The following ZNF276 variants were observed in gnomAD, a reference collection of about 807,000 sequenced individuals.
ZNF276 encodes zinc finger protein 276, also known as centromere protein Z.
ZNF276 carries 59 observed loss-of-function variants against 63.9 expected under a neutral mutation model. That is an observed-to-expected ratio of 0.92 (90% CI 0.75 to 1.15). The LOEUF (loss-of-function observed/expected upper bound fraction) is 1.15. ZNF276 is among the 50% of genes most tolerant of loss of function. The probability of loss-of-function intolerance (pLI) is 0.00; values close to 1 mark genes in which losing one functional copy is unlikely to be tolerated. For synonymous variants in ZNF276, 496 were observed against 348.4 expected, an observed-to-expected ratio of 1.42 and a Z score of -4.72; for missense variants, 1,084 against 843.8, an observed-to-expected ratio of 1.28 and a Z score of -3.53.
At position 89,733,533 on chromosome 16, in the gene ZNF276, G is replaced by T. The variant is rs753959541; in HGVS notation, c.1332G>T (p.Val444=). The T allele has an allele frequency of 6.2e-7, 1 of 1,614,158 alleles. No homozygotes were observed. The change falls in exon 8 of 11, where the codon GTG becomes GTT. Residue 444 remains valine (V), a synonymous_variant. Transcript: ENST00000443381. ...YKCPYQGCTA[V]YRGADGMKKH... The stretch of plus-strand genomic sequence containing the variant: ...GTCCTTACCAGGGCTGCACGGCCGT[G>T]TACCGAGGCGCTGACGGCATGAAGG...
intron 6 of ZNF276, chr16:89,732,139 C>T (rs1364036475): frequency 6.9e-6 from 1 of 145,660 alleles, no homozygotes; most frequent in Admixed American, 7.1e-5. Context: ...TTACCTGGAT[C>T]CAGAAAGGAA....
intron 9 of ZNF276, among the ~76,000 whole-genome samples, chr16:89,736,297 G>A (rs1402475409): frequency 6.6e-6 from 1 of 151,344 alleles, no homozygotes; most frequent in Non-Finnish European, 1.5e-5. Context: ...AAAGTGCTGG[G>A]ATTACAGGCA....
chr16:89,737,707 A>T, intron 9 of ZNF276, 99 bp from the exon 10 acceptor site: 2 of 1,587,426 alleles, frequency 1.3e-6, no homozygotes, highest in Non-Finnish European at 8.6e-7. Flanking sequence ...CCATGTGCAG[A>T]AATGTCTTCC....
intron 8 of ZNF276, among the ~76,000 whole-genome samples, 162 bp from the exon 9 acceptor site, chr16:89,733,759 G>C (rs920869501): frequency 2.0e-5 from 3 of 152,128 alleles, no homozygotes; most frequent in Non-Finnish European, 2.9e-5. Flanking sequence ...ACCCCCCGGG[G>C]GGTCTAGAAG....
Position 89,734,025 on chromosome 16 carries a change from G to C in ZNF276, c.1461G>C (p.Lys487Asn), listed in dbSNP as rs761333720. The stretch of plus-strand genomic sequence containing the variant: ...ACCGCTACCTGCAGCGCCACGTGAA[G>C]CTCATCCACACAGGTACGCCTATCG... ...MIDRYLQRHV[K>N]LIHTEVRNYI... is the part of the protein sequence containing the mutation. Residue 487 changes from lysine to asparagine, a missense_variant, in exon 9 of 11, where the codon AAG becomes AAC. Lys to Asn is a moderately conservative substitution (Grantham distance 94). Coordinates refer to ENST00000443381, the MANE Select transcript of ZNF276 (RefSeq NM_001113525.2). 6.2e-7 allele frequency: 1 copy of C among 1,613,902 alleles called. No individual in the cohort carries two copies.
intron 4 of ZNF276, 46 bp downstream of exon 4, chr16:89,723,755 C>T (rs767609652): frequency 5.1e-6 from 8 of 1,555,010 alleles, no homozygotes; most frequent in African/African-American, 4.1e-5. Context: ...GTGTGCTCCT[C>T]AGTGGGGCAG....
chr16:89,728,616 A>T lies in ZNF276; in HGVS notation c.1086-619A>T, dbSNP rs977233734. On this transcript the variant is annotated intron_variant, in intron 5 of 10. Coordinates refer to ENST00000443381, the MANE Select transcript of ZNF276 (RefSeq NM_001113525.2). ...ACGGGGTTTCACTTTGTTAGCCGGGATGGTCTTGATCTCCTGACCTCGTGA... is the reference window on the plus strand; with the variant it reads ...ACGGGGTTTCACTTTGTTAGCCGGGTTGGTCTTGATCTCCTGACCTCGTGA... Among the ~76,000 whole-genome samples, 3 of 151,636 alleles carry T rather than the reference A, an allele frequency of 2.0e-5. No individual in the cohort carries two copies. In the East Asian group the frequency reaches 5.8e-4, roughly 29 times the overall value.
Position 89,738,200 on chromosome 16 carries a change from CCT to C in ZNF276, c.1802_1803del (p.Ser601CysfsTer79). The C allele has an allele frequency of 6.2e-7, 1 of 1,611,414 alleles. No individual in the cohort carries two copies. The highest frequency in any genetic ancestry group is 8.5e-7 in the Non-Finnish European group (1 of 1,179,178). Reference sequence around the variant, plus strand: ...GAACCACCACCTGGGCCACCGAGCCCCTCTGTGACCACAGAGGGCCAGGCGGT... The same window carrying C: ...GAACCACCACCTGGGCCACCGAGCCCCTGTGACCACAGAGGGCCAGGCGGT... On this transcript the variant is annotated frameshift_variant, in exon 11 of 11. Transcript: ENST00000443381. LOFTEE classifies it high-confidence loss of function.
chr16:89,725,796 G>GA (rs769026725), intron 4 of ZNF276, among the ~76,000 whole-genome samples: 11 of 151,984 alleles, frequency 7.2e-5, no homozygotes, highest in Non-Finnish European at 1.2e-4. Context: ...GTCTAAAAAA[G>GA]AAAAAAACAA....
chr16:89,727,258 G>T, intron 4 of ZNF276, 21 bp from the exon 5 acceptor site: 1 of 1,613,152 alleles, frequency 6.2e-7, no homozygotes, highest in Non-Finnish European at 8.5e-7. Context: ...GGTAACAGGA[G>T]CCTTGTTCTT....
chr16:89,721,632 T>A lies in ZNF276; in HGVS notation c.-9T>A. The A allele has an allele frequency of 6.8e-7, 1 of 1,472,438 alleles. No individual in the cohort carries two copies. The highest frequency in any genetic ancestry group is 1.3e-5 in the South Asian group (1 of 78,250). 91.2% of individuals were successfully genotyped at this position (1,472,438 alleles called of 1,614,324 possible). A position where few individuals can be genotyped will look rare whatever the true frequency, so the allele number is the denominator to read the frequency against. ...CACCCGCGGGATTCTGCTGGCGTCC[T>A]CCGCTGCCATGAAGCGGGACCGGCT... On this transcript the variant is annotated 5_prime_UTR_variant, in exon 1 of 11. Transcript: ENST00000443381.
In ZNF276 at chr16:89,738,619, C is replaced by G. The variant is rs749315540; in HGVS notation, c.*373C>G. ...GGTCCCGTCAGAAGAGATGAGGCTC[C>G]TGGGACAGGTCAGCGTCAGGGGCAG... On this transcript the variant is annotated 3_prime_UTR_variant, in exon 11 of 11. Coordinates refer to ENST00000443381, the MANE Select transcript of ZNF276 (RefSeq NM_001113525.2). 2 of 1,613,622 alleles carry G rather than the reference C, an allele frequency of 1.2e-6. No homozygotes were observed. The highest frequency in any genetic ancestry group is 2.2e-5 in the South Asian group (2 of 91,060).
intron 9 of ZNF276, among the ~76,000 whole-genome samples, chr16:89,736,350 G>C (rs912478143): frequency 4.2e-5 from 6 of 142,348 alleles, no homozygotes; most frequent in African/African-American, 1.6e-4. Context: ...TTTTTTTCCG[G>C]GACAGTCTGT....
At position 89,738,995 on chromosome 16, in the gene ZNF276, C is replaced by G. The variant is rs1010028646; in HGVS notation, c.*749C>G. 14 of 1,614,220 alleles carry G rather than the reference C, an allele frequency of 8.7e-6. No individual in the cohort carries two copies. The highest frequency in any genetic ancestry group is 5.0e-5 in the Admixed American group (3 of 60,028). On this transcript the variant is annotated 3_prime_UTR_variant, in exon 11 of 11. Coordinates refer to ENST00000443381, the MANE Select transcript of ZNF276 (RefSeq NM_001113525.2). Reference sequence around the variant, plus strand: ...TTGCCCTAGAGAGAAAACAGGCAAACTCACAGGTTAGAAGACATACAGAAA... The same window carrying G: ...TTGCCCTAGAGAGAAAACAGGCAAAGTCACAGGTTAGAAGACATACAGAAA...
At chr16:89,737,948 C>T in intron 10 of ZNF276, 28 bp from the exon 11 acceptor site, 3 of 1,614,106 alleles carry the variant, frequency 1.9e-6, no homozygotes, top group African/African-American at 1.3e-5. Context: ...GTGGCCCTCG[C>T]ACCTTCTTAT....
chr16:89,725,505 T>C (rs1204098572), intron 4 of ZNF276, among the ~76,000 whole-genome samples: 1 of 145,934 alleles, frequency 6.9e-6, no homozygotes, highest in Non-Finnish European at 1.5e-5. Flanking sequence ...TTAAAACTTA[T>C]TTTAGGCCAA....
chr16:89,734,385 G>A (rs2061779307), intron 9 of ZNF276, among the ~76,000 whole-genome samples: 1 of 152,120 alleles, frequency 6.6e-6, no homozygotes, highest in African/African-American at 2.4e-5. Flanking sequence ...GAGTGCAGTG[G>A]CACCATCTTG....
At chr16:89,725,928 T>C (rs1315501909) in intron 4 of ZNF276, among the ~76,000 whole-genome samples, 1 of 152,214 alleles carries the variant, frequency 6.6e-6, no homozygotes, top group Non-Finnish European at 1.5e-5. Flanking sequence ...ATTATAAGCA[T>C]GAACCTTCAG....
rs781666183 is a variant in ZNF276 at position 89,737,829 on chromosome 16, G to A, written c.1498G>A (p.Glu500Lys). The A allele has an allele frequency of 2.5e-6, 4 of 1,614,056 alleles. No homozygotes were observed. Among genetic ancestry groups the A allele is most frequent in the Admixed American group, 1.7e-5 (1 of 59,988 alleles). ...AGAGGTGCGGAACTATATCTGTGAC[G>A]AATGTGGACAAACCTTCAAGCAGCG... ...HTEVRNYICD[E>K]CGQTFKQRKH... Residue 500 changes from glutamate to lysine, a missense_variant, in exon 10 of 11, where the codon GAA becomes AAA. Coordinates refer to ENST00000443381, the MANE Select transcript of ZNF276 (RefSeq NM_001113525.2).
Sources: gnomAD v4.1 joint callset for allele counts (sites outside exome capture counted in the v4.1 genomes callset) on GRCh38, gnomAD v4.1.1 for gene constraint, MANE v1.5 for transcripts, NCBI Gene and HGNC (gene_info 2026-07-23, HGNC 2026-07-21) for gene names.